Variants in CRCP observed in about 807,000 individuals in gnomAD.
CRCP encodes the protein CGRP receptor component, also known as DNA-directed RNA polymerase III subunit RPC9.
Under a neutral mutation model 18.5 loss-of-function variants are expected in CRCP, and 18 were observed. The ratio of observed to expected loss-of-function variants is 0.97; its 90% confidence interval spans 0.67 to 1.44. The LOEUF (loss-of-function observed/expected upper bound fraction) is 1.44, where lower values mean the gene tolerates loss of function less well. Among genes scored for constraint, CRCP ranks in the 40% most tolerant of loss-of-function variants. The pLI, the probability that CRCP is intolerant of heterozygous loss-of-function variation, is 0.00. For synonymous variants in CRCP, 53 were observed against 62.9 expected (o/e 0.84, Z 0.75); for missense variants, 130 against 176.4 (o/e 0.74, Z 1.49).
chr7:66,137,544 G>C (rs1788006685), intron 4 of CRCP, among the ~76,000 whole-genome samples: 1 of 152,192 alleles, frequency 6.6e-6, no homozygotes, highest in Non-Finnish European at 1.5e-5. Context: ...AGGGAAAACA[G>C]TCAGTCCTTC....
chr7:66,115,453 A>G (rs1787230356), intron 1 of CRCP, among the ~76,000 whole-genome samples: 1 of 152,168 alleles, frequency 6.6e-6, no homozygotes. Context: ...TGATGGGAGC[A>G]GTAAACACTG....
At chr7:66,150,611 C>T (rs1788429917) in intron 5 of CRCP, 1 of 151,940 alleles carries the variant, frequency 6.6e-6, no homozygotes, top group African/African-American at 2.4e-5. Flanking sequence ...ACATGACTTC[C>T]TGAACTGTGC....
chr7:66,129,124 G>A (rs1333818405), intron 2 of CRCP, among the ~76,000 whole-genome samples: 2 of 152,108 alleles, frequency 1.3e-5, no homozygotes, highest in Admixed American at 6.5e-5. Flanking sequence ...ACGAGGTCAG[G>A]AGATCAAGAA....
At chr7:66,141,305 C>G (rs140461577) in intron 4 of CRCP, among the ~76,000 whole-genome samples, 20 of 152,176 alleles carry the variant, frequency 1.3e-4, no homozygotes, top group Non-Finnish European at 2.1e-4. Flanking sequence ...CTATCAAATA[C>G]TAGATCTTAT....
At chr7:66,118,630 T>A (rs1787343480) in intron 1 of CRCP, among the ~76,000 whole-genome samples, 1 of 152,240 alleles carries the variant, frequency 6.6e-6, no homozygotes. Flanking sequence ...AAGTCCCTGA[T>A]ATAAAACGGT....
chr7:66,124,091 G>A (rs1584065056), intron 1 of CRCP, among the ~76,000 whole-genome samples: 1 of 115,318 alleles, frequency 8.7e-6, no homozygotes, highest in East Asian at 3.0e-4. Flanking sequence ...GCCATGCCCA[G>A]TGGCTCACTC....
intron 5 of CRCP, among the ~76,000 whole-genome samples, chr7:66,146,029 C>T (rs143682797): frequency 9.2e-5 from 14 of 152,306 alleles, no homozygotes; most frequent in Non-Finnish European, 1.9e-4. Flanking sequence ...AGTTCTGTTG[C>T]TTCTGTCTTC....
chr7:66,129,621 T>C (rs1235118671), intron 2 of CRCP, among the ~76,000 whole-genome samples: 1 of 151,684 alleles, frequency 6.6e-6, no homozygotes, highest in African/African-American at 2.4e-5. Context: ...CCATATTCTT[T>C]CCTCTCTAAA....
chr7:66,143,411 C>T (rs1788197122), intron 4 of CRCP, among the ~76,000 whole-genome samples: 2 of 152,178 alleles, frequency 1.3e-5, no homozygotes, highest in South Asian at 4.1e-4. Context: ...CACCCCATGT[C>T]CCACCCCTCT....
In CRCP at chr7:66,152,246, G is replaced by A; in HGVS notation, c.336G>A (p.Gln112=). ...GTGAAGAGCGGCTCACGGAGGAGCA[G>A]ATTGAAGCTCTTCTCCACACCGTCA... ...EESEERLTEE[Q]IEALLHTVTS... Residue 112 remains glutamine (Q), a synonymous_variant, in exon 6 of 6, where the codon CAG becomes CAA. Transcript: ENST00000395326. The A allele has an allele frequency of 1.9e-6, 3 of 1,614,152 alleles. No individual in the cohort carries two copies. Among genetic ancestry groups the A allele is most frequent in the Non-Finnish European group, 2.5e-6 (3 of 1,180,038 alleles).
intron 1 of CRCP, among the ~76,000 whole-genome samples, chr7:66,121,723 TC>T (rs1787448199): frequency 6.6e-6 from 1 of 152,218 alleles, no homozygotes; most frequent in African/African-American, 2.4e-5. Context: ...TTGTATCCAC[TC>T]TTTTATTCTT....
rs546206297 is a variant in CRCP at position 66,132,356 on chromosome 7, T to C, written c.144+1514T>C. On this transcript the variant is annotated intron_variant, in intron 3 of 5. Coordinates refer to ENST00000395326, the MANE Select transcript of CRCP (RefSeq NM_014478.5). ...ACTCTTCCTTTGTCTTCCATGACCT[T>C]GACACTTCCAAAGTCTCGTCAAGTA... is the stretch of plus-strand genomic sequence containing the variant. 2.6e-5 allele frequency among the ~76,000 whole-genome samples: 4 copies of C among 152,210 alleles called. No individual in the cohort carries two copies. In the South Asian group the frequency reaches 8.3e-4, roughly 32 times the overall value.
Position 66,130,970 on chromosome 7 carries a change from T to C in CRCP, c.144+128T>C, listed in dbSNP as rs1584076636. 9.6e-6 allele frequency: 6 copies of C among 626,534 alleles called. No individual in the cohort carries two copies. The East Asian group carries it at 1.6e-4, about 17-fold the overall frequency. 38.8% of individuals were successfully genotyped at this position (626,534 alleles called of 1,614,324 possible). A position where few individuals can be genotyped will look rare whatever the true frequency, so the allele number is the denominator to read the frequency against. ...TCTGAATGTTTTATTCTAACCTGAT[T>C]TTTGTTTGTTTGTTTGTTTTTTGAC... On this transcript the variant is annotated intron_variant, in intron 3 of 5. Transcript: ENST00000395326.
At chr7:66,148,294 G>A (rs140387501) in intron 5 of CRCP, among the ~76,000 whole-genome samples, 83 of 152,212 alleles carry the variant, frequency 5.5e-4, no homozygotes, top group African/African-American at 1.8e-3. Context: ...CCTGGGAGGC[G>A]GAAGTTGTAG....
intron 3 of CRCP, among the ~76,000 whole-genome samples, chr7:66,131,154 T>A (rs1787791478): frequency 6.6e-6 from 1 of 152,072 alleles, no homozygotes; most frequent in South Asian, 2.1e-4. Context: ...TTTTGTATTT[T>A]TAGTAGAGAC....
chr7:66,134,361 C>T lies in CRCP; in HGVS notation c.226C>T (p.His76Tyr), dbSNP rs747760582. 3.7e-6 allele frequency: 6 copies of T among 1,605,650 alleles called. No individual in the cohort carries two copies. Among genetic ancestry groups the T allele is most frequent in the Non-Finnish European group, 5.1e-6 (6 of 1,175,486 alleles). ...VREFLTALKS[H>Y]KLTKAEKLQL... ...AGAATTTCTCACAGCATTGAAAAGC[C>T]ACAAGTTGACCAAGTAAGTAAATCT... is the stretch of plus-strand genomic sequence containing the variant. The change falls in exon 4 of 6, where the codon CAC (histidine) becomes TAC (tyrosine). Residue 76 changes from histidine to tyrosine, a missense_variant. Transcript: ENST00000395326.
At chr7:66,115,419 C>T (rs1787228971) in intron 1 of CRCP, among the ~76,000 whole-genome samples, 1 of 152,118 alleles carries the variant, frequency 6.6e-6, no homozygotes, top group South Asian at 2.1e-4. Flanking sequence ...CTGGAGAGCC[C>T]TCGGAAGAGC....
intron 1 of CRCP, among the ~76,000 whole-genome samples, chr7:66,124,043 T>C (rs1254297749): frequency 3.9e-5 from 1 of 25,926 alleles, no homozygotes; most frequent in African/African-American, 1.7e-4. Context: ...AGACTCCGTC[T>C]CAAAAAAAAA....
At chr7:66,147,558 G>C (rs1788335951) in intron 5 of CRCP, among the ~76,000 whole-genome samples, 1 of 152,184 alleles carries the variant, frequency 6.6e-6, no homozygotes, top group African/African-American at 2.4e-5. Context: ...ACTTGTGCTT[G>C]ATGAGAAGAA....
Sources: gnomAD v4.1 joint callset for allele counts (sites outside exome capture counted in the v4.1 genomes callset) on GRCh38, gnomAD v4.1.1 for gene constraint, MANE v1.5 for transcripts, NCBI Gene and HGNC (gene_info 2026-07-23, HGNC 2026-07-21) for gene names.